Variants in HTR7 observed in about 807,000 individuals in gnomAD.
HTR7 encodes 5-HT-7.
Under a neutral mutation model 34.0 loss-of-function variants are expected in HTR7, and 16 were observed. The observed-to-expected ratio is 0.47, with a 90% CI of 0.32 to 0.71. HTR7 has a LOEUF of 0.71. HTR7 is among the 30% of genes least tolerant of loss of function. The pLI is 0.04. For missense variants in HTR7, 504 were observed against 625.5 expected, an observed-to-expected ratio of 0.81 and a Z score of 2.07; for synonymous variants, 265 against 260.2, an observed-to-expected ratio of 1.02 and a Z score of -0.18.
At chr10:90,753,874 A>G (rs914738446) in intron 1 of HTR7, among the ~76,000 whole-genome samples, 2 of 152,096 alleles carry the variant, frequency 1.3e-5, no homozygotes, top group Non-Finnish European at 2.9e-5. Flanking sequence ...ATATCATATA[A>G]CATATATTAT....
chr10:90,857,804 G>T lies in HTR7; in HGVS notation c.-133C>A. The T allele has an allele frequency of 2.3e-6, 2 of 874,420 alleles. No individual in the cohort carries two copies. Among genetic ancestry groups the T allele is most frequent in the Non-Finnish European group, 3.1e-6 (2 of 653,118 alleles). The allele number at this position is 874,420 out of a possible 1,614,324, so 54.2% of individuals were successfully genotyped here. On this transcript the variant is annotated 5_prime_UTR_variant, in exon 1 of 4. Transcript: ENST00000336152. This position sits in a 1 kb window ranked among gnomAD's most constrained non-coding sequence, Gnocchi z 6.5. ...TGGGGCCCGCGCCGACCGCTGGGGG[G>T]CGCCTGGCTCTGTCTCGGAGCCCCG...
chr10:90,844,735 A>C (rs1846387159), intron 1 of HTR7, among the ~76,000 whole-genome samples: 1 of 107,140 alleles, frequency 9.3e-6, no homozygotes, highest in Non-Finnish European at 2.1e-5. Flanking sequence ...TCAAAAAAAA[A>C]AAAAAAAAAA....
chr10:90,811,671 G>A (rs899858750), intron 1 of HTR7, among the ~76,000 whole-genome samples: 11 of 151,996 alleles, frequency 7.2e-5, no homozygotes, highest in African/African-American at 2.7e-4. Flanking sequence ...GGATTATTCA[G>A]GCCCCCTCTC....
intron 1 of HTR7, among the ~76,000 whole-genome samples, chr10:90,773,301 C>T (rs938984091): frequency 4.6e-5 from 7 of 152,028 alleles, no homozygotes; most frequent in Non-Finnish European, 7.4e-5. Flanking sequence ...AATGAATTTT[C>T]CTCTATAGGT....
chr10:90,842,664 C>A (rs77118857), intron 1 of HTR7, among the ~76,000 whole-genome samples: 11,566 of 151,778 alleles, frequency 0.076, 474 homozygotes, highest in Non-Finnish European at 0.094. Context: ...GGCTGACACC[C>A]ATGGCTTTCT....
At chr10:90,758,525 TA>T (rs1377418157) in intron 1 of HTR7, among the ~76,000 whole-genome samples, 1 of 151,920 alleles carries the variant, frequency 6.6e-6, no homozygotes, top group Non-Finnish European at 1.5e-5. Flanking sequence ...GACATAATAA[TA>T]ACATCTCCCT....
chr10:90,759,685 AC>A (rs373466954), intron 1 of HTR7, among the ~76,000 whole-genome samples: 14,004 of 140,736 alleles, frequency 0.1, 951 homozygotes, highest in East Asian at 0.16. Flanking sequence ...AAAAAAAAAA[AC>A]CAGGGAAACA....
chr10:90,764,103 C>A (rs1354105368), intron 1 of HTR7, among the ~76,000 whole-genome samples: 1 of 152,208 alleles, frequency 6.6e-6, no homozygotes, highest in Non-Finnish European at 1.5e-5. Context: ...TATTTCTCCA[C>A]AGGCTCACCA....
chr10:90,770,191 T>C (rs1292749027), intron 1 of HTR7, among the ~76,000 whole-genome samples: 1 of 152,140 alleles, frequency 6.6e-6, no homozygotes, highest in Non-Finnish European at 1.5e-5. Context: ...GAGGCAGAGC[T>C]GGGCCCAGGA....
At chr10:90,796,397 G>C (rs1482272844) in intron 1 of HTR7, among the ~76,000 whole-genome samples, 1 of 152,226 alleles carries the variant, frequency 6.6e-6, no homozygotes. Flanking sequence ...AGGTTGAAAA[G>C]AGTGAAATCT....
intron 1 of HTR7, among the ~76,000 whole-genome samples, chr10:90,833,737 G>T (rs886662110): frequency 6.6e-6 from 1 of 152,012 alleles, no homozygotes; most frequent in Non-Finnish European, 1.5e-5. Context: ...AAGAGACACA[G>T]GAAATGATTT....
At chr10:90,789,938 A>T (rs1845439345) in intron 1 of HTR7, among the ~76,000 whole-genome samples, 1 of 152,168 alleles carries the variant, frequency 6.6e-6, no homozygotes, top group Admixed American at 6.6e-5. Flanking sequence ...AGCATGCAAA[A>T]AGCGTTCCAT....
At chr10:90,777,254 G>C (rs10881831) in intron 1 of HTR7, among the ~76,000 whole-genome samples, 12,904 of 152,012 alleles carry the variant, frequency 0.085, 592 homozygotes, top group East Asian at 0.16. Flanking sequence ...AGGCTGAGGC[G>C]GGTGGATCAC....
intron 1 of HTR7, among the ~76,000 whole-genome samples, chr10:90,851,433 C>T (rs1846497388): frequency 2.0e-5 from 3 of 151,510 alleles, no homozygotes; most frequent in Non-Finnish European, 2.9e-5. Context: ...GGTGAAACCC[C>T]GTCTCTACTA....
intron 1 of HTR7, among the ~76,000 whole-genome samples, chr10:90,785,775 C>T (rs1474069643): frequency 2.0e-5 from 3 of 152,088 alleles, no homozygotes; most frequent in Non-Finnish European, 2.9e-5. Flanking sequence ...TGATTTTTTT[C>T]CCCAACAATT....
At chr10:90,855,306 C>T (rs1419467276) in intron 1 of HTR7, among the ~76,000 whole-genome samples, 2 of 152,178 alleles carry the variant, frequency 1.3e-5, no homozygotes, top group African/African-American at 4.8e-5. Context: ...CACACATGCA[C>T]GCTGAGTGGA....
intron 1 of HTR7, among the ~76,000 whole-genome samples, chr10:90,811,197 C>T (rs1370375533): frequency 2.0e-5 from 3 of 152,160 alleles, no homozygotes; most frequent in East Asian, 1.9e-4. Flanking sequence ...ACCGGGATCG[C>T]GTCCTGTAGC....
At chr10:90,842,889 T>C (rs1224982533) in intron 1 of HTR7, among the ~76,000 whole-genome samples, 1 of 152,164 alleles carries the variant, frequency 6.6e-6, no homozygotes, top group Non-Finnish European at 1.5e-5. Flanking sequence ...AGGAAGTAAC[T>C]CACCAGCCTA....
chr10:90,833,497 G>C (rs1846209891), intron 1 of HTR7, among the ~76,000 whole-genome samples: 1 of 152,174 alleles, frequency 6.6e-6, no homozygotes, highest in South Asian at 2.1e-4. Flanking sequence ...GCATGGGGTT[G>C]TTGTAAAGAT....
Sources: gnomAD v4.1 joint callset for allele counts (sites outside exome capture counted in the v4.1 genomes callset) on GRCh38, gnomAD v4.1.1 for gene constraint, Gnocchi (gnomAD v3.1) non-coding constraint, MANE v1.5 for transcripts, NCBI Gene and HGNC (gene_info 2026-07-23, HGNC 2026-07-21) for gene names.